The following TBC1D19 variants were observed in gnomAD, a reference collection of about 807,000 sequenced individuals.
TBC1D19 encodes TBC1 domain family member 19, also known as TBC1 domain family, member 19.
Under a neutral mutation model 89.0 loss-of-function variants are expected in TBC1D19, and 60 were observed. The ratio of observed to expected loss-of-function variants is 0.67; its 90% CI spans 0.55 to 0.84. The LOEUF is 0.84. TBC1D19 is among the 40% of genes least tolerant of loss of function. The pLI is 0.00. For missense variants in TBC1D19, 500 were observed against 610.8 expected, an observed-to-expected ratio of 0.82 and a Z score of 1.91; for synonymous variants, 189 against 199.7, an observed-to-expected ratio of 0.95 and a Z score of 0.45.
the TBC1D19 span, among the ~76,000 whole-genome samples, chr4:26,781,552 A>C: frequency 4.6e-5 from 7 of 152,344 alleles, no homozygotes; most frequent in South Asian, 1.4e-3. Flanking sequence ...GGCCACATGC[A>C]GGATGCTGAT....
At chr4:26,641,057 C>G (rs985089958) in intron 7 of TBC1D19, among the ~76,000 whole-genome samples, 7 of 152,226 alleles carry the variant, frequency 4.6e-5, no homozygotes, top group African/African-American at 1.7e-4. Flanking sequence ...GTGGTTCTCC[C>G]AGCACAGTGT....
At chr4:26,694,961 C>T (rs1040162104) in intron 13 of TBC1D19, among the ~76,000 whole-genome samples, 7 of 152,154 alleles carry the variant, frequency 4.6e-5, no homozygotes, top group Admixed American at 2.6e-4. Context: ...AGCAGAAAAG[C>T]TGAAATTTCT....
intron 10 of TBC1D19, among the ~76,000 whole-genome samples, chr4:26,672,775 T>C (rs1464097572): frequency 6.6e-6 from 1 of 152,022 alleles, no homozygotes; most frequent in Non-Finnish European, 1.5e-5. Flanking sequence ...AATTATATTG[T>C]CATGTACCAA....
chr4:26,786,793 A>ATGGATGGG, the TBC1D19 span, among the ~76,000 whole-genome samples: 11 of 148,482 alleles, frequency 7.4e-5, no homozygotes, highest in South Asian at 1.3e-3. Context: ...GGATGGATGG[A>ATGGATGGG]TGGGTGGGTG....
chr4:26,689,753 AC>A (rs1360422788), intron 13 of TBC1D19, among the ~76,000 whole-genome samples: 15 of 152,138 alleles, frequency 9.9e-5, no homozygotes. Flanking sequence ...TGATTGTTCT[AC>A]CAACTGGCCA....
chr4:26,661,856 T>C (rs1479963375), intron 8 of TBC1D19, among the ~76,000 whole-genome samples: 4 of 152,180 alleles, frequency 2.6e-5, no homozygotes, highest in African/African-American at 9.6e-5. Flanking sequence ...GGTATGCAAC[T>C]GAAAATGACA....
At chr4:26,753,615 A>C (rs1719098806) in intron 19 of TBC1D19, among the ~76,000 whole-genome samples, 1 of 152,160 alleles carries the variant, frequency 6.6e-6, no homozygotes, top group Admixed American at 6.5e-5. Flanking sequence ...TGTGGTATTC[A>C]GTTTGTCTGG....
rs77245392 is a variant in TBC1D19, at chr4:26,621,466, G to T, written c.294+778G>T. ...GAGATGGATTTTTAAAACCTTTTTT[G>T]GTATGGAATATTTCAAAGGTACCTC... On this transcript the variant is annotated intron_variant, in intron 4 of 20. Transcript: ENST00000264866. 9.1e-3 allele frequency among the ~76,000 whole-genome samples: 1,390 copies of T among 152,096 alleles called. 16 individuals carry two copies. Among genetic ancestry groups the T allele is most frequent in the Non-Finnish European group, 0.013 (904 of 68,000 alleles).
At chr4:26,709,990 G>A (rs943320194) in intron 13 of TBC1D19, among the ~76,000 whole-genome samples, 5 of 151,796 alleles carry the variant, frequency 3.3e-5, no homozygotes, top group African/African-American at 1.2e-4. Context: ...AAGCCACATT[G>A]CCCTTTATTT....
chr4:26,823,627 T>A, the TBC1D19 span, among the ~76,000 whole-genome samples: 1 of 152,252 alleles, frequency 6.6e-6, no homozygotes, highest in East Asian at 1.9e-4. Flanking sequence ...GGAGAGATGA[T>A]AAGAGCCATA....
At chr4:26,776,541 C>A in the TBC1D19 span, among the ~76,000 whole-genome samples, 2 of 152,158 alleles carry the variant, frequency 1.3e-5, no homozygotes, top group African/African-American at 4.8e-5. Flanking sequence ...CTTAGTTCTA[C>A]AAGTAATTAT....
At chr4:26,589,178 G>A (rs760701016) in intron 1 of TBC1D19, among the ~76,000 whole-genome samples, 1 of 152,140 alleles carries the variant, frequency 6.6e-6, no homozygotes, top group Non-Finnish European at 1.5e-5. Flanking sequence ...GGGAAGCTGA[G>A]GCAGGAGAAT....
chr4:26,728,642 A>G (rs1577992025), intron 15 of TBC1D19, among the ~76,000 whole-genome samples: 1 of 152,194 alleles, frequency 6.6e-6, no homozygotes, highest in East Asian at 1.9e-4. Context: ...CTATAGTGTC[A>G]TTGGGAATAT....
chr4:26,622,453 G>A (rs1742119114), intron 4 of TBC1D19, among the ~76,000 whole-genome samples: 1 of 151,962 alleles, frequency 6.6e-6, no homozygotes, highest in Non-Finnish European at 1.5e-5. Context: ...GACTCTTAGA[G>A]CTTACTGCTA....
At chr4:26,717,801 C>T (rs572141359) in intron 13 of TBC1D19, 132 bp from the exon 14 acceptor site, 41 of 617,726 alleles carry the variant, frequency 6.6e-5, no homozygotes, top group South Asian at 5.2e-4. Context: ...AAAGGTATAC[C>T]GATAAAGGGC....
At chr4:26,641,746 A>G (rs1743555354) in intron 7 of TBC1D19, among the ~76,000 whole-genome samples, 1 of 152,252 alleles carries the variant, frequency 6.6e-6, no homozygotes, top group Non-Finnish European at 1.5e-5. Flanking sequence ...GACCTGATGG[A>G]GCTGAAAACC....
chr4:26,852,325 G>A, the TBC1D19 span, among the ~76,000 whole-genome samples: 1 of 152,128 alleles, frequency 6.6e-6, no homozygotes, highest in Admixed American at 6.5e-5. Context: ...AGACCAAGGC[G>A]GGAGGATTAG....
the TBC1D19 span, among the ~76,000 whole-genome samples, chr4:26,822,848 A>C: frequency 6.6e-6 from 1 of 152,218 alleles, no homozygotes; most frequent in Non-Finnish European, 1.5e-5. Flanking sequence ...TCTTGTAGAG[A>C]CATGATAGAC....
intron 13 of TBC1D19, among the ~76,000 whole-genome samples, chr4:26,712,310 T>C (rs780675592): frequency 7.9e-5 from 12 of 152,086 alleles, no homozygotes; most frequent in Non-Finnish European, 1.3e-4. Context: ...GTGTTACTTG[T>C]GGATGCTCCA....
Sources: gnomAD v4.1 joint callset for allele counts (sites outside exome capture counted in the v4.1 genomes callset) on GRCh38, gnomAD v4.1.1 for gene constraint, MANE v1.5 for transcripts, NCBI Gene and HGNC (gene_info 2026-07-23, HGNC 2026-07-21) for gene names.